The following RBMS3 variants were observed in gnomAD, a reference collection of about 807,000 sequenced individuals.
The protein encoded by RBMS3 is RNA-binding motif, single-stranded-interacting protein 3.
Under a neutral mutation model 66.8 loss-of-function variants are expected in RBMS3, and 27 were observed. That is an observed-to-expected ratio of 0.40 (90% CI 0.30 to 0.56). The LOEUF (loss-of-function observed/expected upper bound fraction) is 0.56, where lower values mean the gene tolerates loss of function less well. Ranked by LOEUF, RBMS3 falls within the 20% of genes least tolerant of loss-of-function variation. The probability of loss-of-function intolerance (pLI) is 0.40; values close to 1 mark genes in which losing one functional copy is unlikely to be tolerated. For synonymous variants in RBMS3, 188 were observed against 183.0 expected, an observed-to-expected ratio of 1.03 and a Z score of -0.22; for missense variants, 513 against 549.5, an observed-to-expected ratio of 0.93 and a Z score of 0.66.
intron 13 of RBMS3, among the ~76,000 whole-genome samples, chr3:29,990,837 AT>A (rs952812135): frequency 6.6e-6 from 1 of 152,114 alleles, no homozygotes; most frequent in Non-Finnish European, 1.5e-5. Flanking sequence ...AGGCAAAATT[AT>A]TTTCTGACCA....
chr3:29,798,290 A>AGAAGGGAAGGGAGGGGAAGGGAGGG (rs2057270338), intron 6 of RBMS3, among the ~76,000 whole-genome samples: 1 of 80,576 alleles, frequency 1.2e-5, no homozygotes, highest in Non-Finnish European at 2.3e-5. Context: ...GGAAGGGAAG[A>AGAAGGGAAGGGAGGGGAAGGGAGGG]GAAGGGAAGG....
intron 8 of RBMS3, among the ~76,000 whole-genome samples, chr3:29,894,848 T>G (rs1181512943): frequency 2.0e-5 from 3 of 151,540 alleles, no homozygotes; most frequent in Admixed American, 6.6e-5. Context: ...AGACCAGAAA[T>G]GAAGAAGAGA....
At chr3:29,747,740 G>A (rs1260684535) in intron 5 of RBMS3, among the ~76,000 whole-genome samples, 1 of 152,186 alleles carries the variant, frequency 6.6e-6, no homozygotes, top group African/African-American at 2.4e-5. Flanking sequence ...ATAGCCCTAG[G>A]TAGTATTGGA....
At chr3:29,750,773 A>G (rs13317616) in intron 5 of RBMS3, among the ~76,000 whole-genome samples, 71,422 of 151,902 alleles carry the variant, frequency 0.47, 17,903 homozygotes, top group African/African-American at 0.64. Context: ...AGCATTTCTT[A>G]TTTGACAATG....
rs143306677 is a variant in RBMS3 at position 29,888,259 on chromosome 3, G to C, written c.791+4051G>C. Among the ~76,000 whole-genome samples the C allele has an allele frequency of 3.3e-4, 50 of 151,712 alleles. No individual in the cohort carries two copies. The East Asian group carries it at 8.2e-3, about 25-fold the overall frequency. On this transcript the variant is annotated intron_variant, in intron 8 of 14. Coordinates refer to ENST00000383767, the MANE Select transcript of RBMS3 (RefSeq NM_001003793.3). ...TCCTCAAGAAACACATTTTAGTTAAGAAGCTAAAGATATCCAAATCAAGAG... is the reference window on the plus strand; with the variant it reads ...TCCTCAAGAAACACATTTTAGTTAACAAGCTAAAGATATCCAAATCAAGAG...
At chr3:29,869,282 A>G (rs750916722) in intron 7 of RBMS3, among the ~76,000 whole-genome samples, 4 of 152,186 alleles carry the variant, frequency 2.6e-5, no homozygotes, top group East Asian at 1.9e-4. Flanking sequence ...AAATGAGGGT[A>G]TAATTACTTA....
At chr3:29,702,650 A>C (rs1249885492) in intron 4 of RBMS3, among the ~76,000 whole-genome samples, 1 of 151,954 alleles carries the variant, frequency 6.6e-6, no homozygotes, top group Non-Finnish European at 1.5e-5. Context: ...AGGAATGAAC[A>C]ACTCTGGATA....
At chr3:29,470,687 A>C (rs373047592) in intron 2 of RBMS3, among the ~76,000 whole-genome samples, 6 of 152,204 alleles carry the variant, frequency 3.9e-5, no homozygotes, top group African/African-American at 1.4e-4. Context: ...TGATACTTGC[A>C]TTAGTTTGAA....
chr3:29,618,641 C>CA (rs1394789932), intron 4 of RBMS3, among the ~76,000 whole-genome samples: 1 of 151,790 alleles, frequency 6.6e-6, no homozygotes, highest in African/African-American at 2.4e-5. Context: ...GTTCTTGTTC[C>CA]AAAAAATCAA....
intron 4 of RBMS3, among the ~76,000 whole-genome samples, chr3:29,603,209 G>A (rs7619788): frequency 0.15 from 22,171 of 151,838 alleles, 1,849 homozygotes; most frequent in East Asian, 0.32. Context: ...TGTGGTAGTC[G>A]TTAATGTCCC....
At chr3:29,805,720 A>G (rs1469856073) in intron 6 of RBMS3, among the ~76,000 whole-genome samples, 2 of 152,086 alleles carry the variant, frequency 1.3e-5, no homozygotes, top group Admixed American at 6.6e-5. Context: ...CAGCTGTACA[A>G]TGTGTTTGTG....
At chr3:29,892,428 A>C (rs2060021341) in intron 8 of RBMS3, among the ~76,000 whole-genome samples, 1 of 151,514 alleles carries the variant, frequency 6.6e-6, no homozygotes, top group Admixed American at 6.6e-5. Flanking sequence ...GTTTAGCAGC[A>C]TCCCAGGCCT....
chr3:29,944,358 G>T (rs1361415358), intron 12 of RBMS3, 104 bp downstream of exon 12: 6 of 973,524 alleles, frequency 6.2e-6, no homozygotes, highest in Non-Finnish European at 8.0e-6. Flanking sequence ...ACAGAGGTGG[G>T]TGCAGGAAAT....
intron 4 of RBMS3, among the ~76,000 whole-genome samples, chr3:29,663,218 A>T (rs983974415): frequency 6.6e-6 from 1 of 152,106 alleles, no homozygotes; most frequent in Non-Finnish European, 1.5e-5. Context: ...GTTTTAAATC[A>T]TCTTCATGAA....
rs71091081 is a variant in RBMS3 at position 29,853,423 on chromosome 3, C to CTTTTTTTTTTTTTTTTTTT, written c.638-15431_638-15413dup. 4.0e-4 allele frequency among the ~76,000 whole-genome samples: 34 copies of CTTTTTTTTTTTTTTTTTTT among 84,524 alleles called. 2 individuals carry two copies. Among genetic ancestry groups the CTTTTTTTTTTTTTTTTTTT allele is most frequent in the African/African-American group, 1.7e-3 (31 of 18,404 alleles). The allele number at this position is 84,524 out of a possible 152,430, so 55.5% of individuals were successfully genotyped here. A position where few individuals can be genotyped will look rare whatever the true frequency, so the allele number is the denominator to read the frequency against. ...TGTATCTTAAGCTACAATTTACTTT[C>CTTTTTTTTTTTTTTTTTTT]TTTTTTTTTTTTTTTTTTTTTTGCA... On this transcript the variant is annotated intron_variant, in intron 6 of 14. Coordinates refer to ENST00000383767, the MANE Select transcript of RBMS3 (RefSeq NM_001003793.3).
At position 29,991,206 on chromosome 3, in the gene RBMS3, C is replaced by G. The variant is rs1331333531; in HGVS notation, c.1304C>G (p.Ser435Cys). The change falls in exon 14 of 15, where the codon TCT (serine) becomes TGT (cysteine). Residue 435 changes from serine (S) to cysteine (C), a missense_variant. Transcript: ENST00000383767. ...EHAPAYSYQQ[S>C]KP The stretch of plus-strand genomic sequence containing the variant: ...GCACCTGCATATTCTTACCAACAGT[C>G]TAAGTAAGTCTGGGCTGTGCTAAGC... The G allele has an allele frequency of 1.2e-6, 2 of 1,614,000 alleles. No homozygotes were observed. The highest frequency in any genetic ancestry group is 4.5e-5 in the East Asian group (2 of 44,894).
At chr3:29,732,757 T>C (rs1039848134) in intron 4 of RBMS3, among the ~76,000 whole-genome samples, 5 of 152,130 alleles carry the variant, frequency 3.3e-5, no homozygotes, top group African/African-American at 1.2e-4. Flanking sequence ...ATTTTTAAAT[T>C]GCTGCAGCAT....
intron 4 of RBMS3, among the ~76,000 whole-genome samples, chr3:29,620,967 C>G (rs1249287177): frequency 6.6e-6 from 1 of 152,030 alleles, no homozygotes; most frequent in South Asian, 2.1e-4. Flanking sequence ...CTGAACATAT[C>G]TATTAAGACT....
Position 29,367,503 on chromosome 3 carries a change from C to G in RBMS3, c.76-67240C>G, listed in dbSNP as rs536460788. On this transcript the variant is annotated intron_variant, in intron 1 of 14. Transcript: ENST00000383767. Reference sequence around the variant, plus strand: ...TCACAGATGTTTTTAATACAACTCTCCATATTCCAAATTGGCTGTTAACAT... The same window carrying G: ...TCACAGATGTTTTTAATACAACTCTGCATATTCCAAATTGGCTGTTAACAT... Among the ~76,000 whole-genome samples the G allele has an allele frequency of 1.8e-4, 28 of 152,128 alleles. No homozygotes were observed. In the South Asian group the frequency reaches 2.5e-3, roughly 14 times the overall value.
Sources: allele counts gnomAD v4.1 joint callset (sites outside exome capture counted in the v4.1 genomes callset), GRCh38; gene constraint gnomAD v4.1.1; transcripts MANE v1.5; gene names NCBI Gene and HGNC (gene_info 2026-07-23, HGNC 2026-07-21).